Variants in SCN10A observed in about 807,000 individuals in gnomAD.
The protein encoded by SCN10A is sodium channel protein type 10 subunit alpha.
In SCN10A, 162 loss-of-function variants were observed where a neutral mutation model predicts 170.7. The ratio of observed to expected loss-of-function variants is 0.95; its 90% CI spans 0.84 to 1.08. The LOEUF (loss-of-function observed/expected upper bound fraction) is 1.08. Ranked by LOEUF, SCN10A falls within the 50% of genes least tolerant of loss-of-function variation. The probability of loss-of-function intolerance (pLI) is 0.00; values close to 1 mark genes in which losing one functional copy is unlikely to be tolerated. For missense variants in SCN10A, 2,527 were observed against 2,436.9 expected, an observed-to-expected ratio of 1.04 and a Z score of -0.78; for synonymous variants, 985 against 904.6, an observed-to-expected ratio of 1.09 and a Z score of -1.59.
chr3:38,777,071 A>G (rs2064085006), intron 4 of SCN10A, among the ~76,000 whole-genome samples: 1 of 152,092 alleles, frequency 6.6e-6, no homozygotes, highest in African/African-American at 2.4e-5. Flanking sequence ...CATAATAGTG[A>G]AACATTAGAA....
At chr3:38,790,867 T>C (rs2064272377) in intron 3 of SCN10A, among the ~76,000 whole-genome samples, 1 of 152,192 alleles carries the variant, frequency 6.6e-6, no homozygotes, top group Admixed American at 6.6e-5. Flanking sequence ...GAGACTGTAT[T>C]GTCATTAAAT....
intron 15 of SCN10A, among the ~76,000 whole-genome samples, chr3:38,735,169 C>CAAAAAAAAAAAAA (rs543574832): frequency 6.6e-5 from 5 of 76,126 alleles, no homozygotes; most frequent in Non-Finnish European, 1.0e-4. Context: ...GACTCTGTCT[C>CAAAAAAAAAAAAA]AAAAAAAAAA....
intron 5 of SCN10A, among the ~76,000 whole-genome samples, chr3:38,766,908 C>G (rs886742716): frequency 6.6e-6 from 1 of 152,036 alleles, no homozygotes; most frequent in African/African-American, 2.4e-5. Context: ...AATCTCGCTA[C>G]TTGTTATTGG....
intron 11 of SCN10A, among the ~76,000 whole-genome samples, chr3:38,753,962 T>C (rs937774334): frequency 8.5e-5 from 13 of 152,334 alleles, no homozygotes; most frequent in Non-Finnish European, 1.6e-4. Flanking sequence ...CTATTGGTTA[T>C]AAAATGGCTT....
chr3:38,816,058 G>A lies in SCN10A; in HGVS notation c.-54C>T, dbSNP rs574374029. The A allele has an allele frequency of 6.6e-6, 1 of 152,230 alleles. No homozygotes were observed. Among genetic ancestry groups the A allele is most frequent in the East Asian group, 1.9e-4 (1 of 5,200 alleles). The allele number at this position is 152,230 out of a possible 1,614,324, so 9.4% of individuals were successfully genotyped here. ...AAACCTTTGCTGCTCAATCTTGCTT[G>A]TCTTCTACGTAAGAAATATCTTCTC... On this transcript the variant is annotated 5_prime_UTR_variant, in exon 1 of 28. Transcript: ENST00000449082.
intron 3 of SCN10A, 132 bp downstream of exon 3, chr3:38,791,915 TCAA>T: frequency 1.7e-6 from 2 of 1,204,118 alleles, no homozygotes; most frequent in African/African-American, 1.5e-5. Flanking sequence ...AGCCATTTTT[TCAA>T]TCTAATGACC....
rs551765014 is a variant in SCN10A, at chr3:38,800,319, C to T, written c.-32-6277G>A. The stretch of plus-strand genomic sequence containing the variant: ...CACAGGGGAGAATTGGACTAAGATG[C>T]AGATTCCTGGACTCCACCTGAAAAG... On this transcript the variant is annotated intron_variant, in intron 1 of 27. Coordinates refer to ENST00000449082, the MANE Select transcript of SCN10A (RefSeq NM_006514.4). Among the ~76,000 whole-genome samples, 5 of 152,318 alleles carry T rather than the reference C, an allele frequency of 3.3e-5. No individual in the cohort carries two copies. In the South Asian group the frequency reaches 1.0e-3, roughly 32 times the overall value.
intron 10 of SCN10A, 60 bp from the exon 11 acceptor site, chr3:38,756,018 G>A: frequency 6.3e-7 from 1 of 1,582,138 alleles, no homozygotes; most frequent in Non-Finnish European, 8.7e-7. Flanking sequence ...GCATGAATGT[G>A]TCCCCCAGAC....
intron 26 of SCN10A, among the ~76,000 whole-genome samples, chr3:38,704,008 T>G (rs1416913564): frequency 6.6e-6 from 1 of 152,196 alleles, no homozygotes; most frequent in Non-Finnish European, 1.5e-5. Context: ...AAAGTCACCC[T>G]TTATTTGACT....
At chr3:38,762,236 C>T (rs1229726867) in intron 6 of SCN10A, among the ~76,000 whole-genome samples, 1 of 152,158 alleles carries the variant, frequency 6.6e-6, no homozygotes, top group Non-Finnish European at 1.5e-5. Flanking sequence ...AGTCCCTGGA[C>T]TGGGAGCTGA....
chr3:38,796,689 C>T (rs1450906044), intron 1 of SCN10A, among the ~76,000 whole-genome samples: 3 of 152,242 alleles, frequency 2.0e-5, no homozygotes, highest in South Asian at 4.2e-4. Context: ...TTTTGTCTGG[C>T]TAATCCTCTC....
At chr3:38,803,616 C>A (rs951043622) in intron 1 of SCN10A, among the ~76,000 whole-genome samples, 1 of 132,104 alleles carries the variant, frequency 7.6e-6, no homozygotes, top group Non-Finnish European at 1.5e-5. Flanking sequence ...CACATGGACA[C>A]AGGAAGGGGA....
intron 12 of SCN10A, among the ~76,000 whole-genome samples, chr3:38,751,673 G>A (rs567086181): frequency 3.3e-5 from 5 of 152,300 alleles, no homozygotes; most frequent in Non-Finnish European, 5.9e-5. Context: ...TACACTCTGC[G>A]ATTATTCTAT....
chr3:38,710,379 C>A (rs2063260557), intron 24 of SCN10A, among the ~76,000 whole-genome samples: 1 of 152,160 alleles, frequency 6.6e-6, no homozygotes, highest in East Asian at 1.9e-4. Flanking sequence ...CCAGGCTGGT[C>A]TCCTGAGCTC....
At chr3:38,789,856 C>T (rs1210685031) in intron 3 of SCN10A, among the ~76,000 whole-genome samples, 1 of 152,004 alleles carries the variant, frequency 6.6e-6, no homozygotes, top group Admixed American at 6.6e-5. Flanking sequence ...TAAATTGTTC[C>T]CACTTGGACA....
intron 13 of SCN10A, among the ~76,000 whole-genome samples, chr3:38,748,147 T>C (rs1475670840): frequency 6.6e-6 from 1 of 152,172 alleles, no homozygotes; most frequent in Non-Finnish European, 1.5e-5. Context: ...TGCTGTTTGA[T>C]GACTAATAGC....
rs139209095 is a variant in SCN10A, at chr3:38,742,519, C to A, written c.1878G>T (p.Glu626Asp). ...AGCAGGGTGGGCACTTCTGTTCAGA[C>A]TCCTCGAGTTCTGCATTATAGTGTG... is the stretch of plus-strand genomic sequence containing the variant. ...IITSVLEELEESEQKCPPCLT... is the reference protein window; with the variant it reads ...IITSVLEELEDSEQKCPPCLT... The change falls in exon 14 of 28, where the codon GAG (glutamate) becomes GAT (aspartate). Residue 626 changes from glutamate to aspartate, a missense_variant. Transcript: ENST00000449082. 5 of 1,613,972 alleles carry A rather than the reference C, an allele frequency of 3.1e-6. No individual in the cohort carries two copies. Among genetic ancestry groups the A allele is most frequent in the Admixed American group, 1.7e-5 (1 of 60,028 alleles).
rs752151307 is a variant in SCN10A, at chr3:38,752,408, A to T, written c.1566T>A (p.Asp522Glu). The T allele has an allele frequency of 1.9e-6, 3 of 1,613,918 alleles. No homozygotes were observed. The highest frequency in any genetic ancestry group is 2.5e-6 in the Non-Finnish European group (3 of 1,179,928). The part of the protein sequence containing the change: ...RDISLPEGVT[D>E]DGVFPGDHES... ...CGTGGTCTCCAGGAAAGACTCCATC[A>T]TCTGTGACTCCCTCAGGGAGTGAGA... is the stretch of plus-strand genomic sequence containing the variant. Residue 522 changes from aspartate to glutamate, a missense_variant, in exon 12 of 28, where the codon GAT becomes GAA. Transcript: ENST00000449082.
chr3:38,806,471 A>T (rs993153088), intron 1 of SCN10A, among the ~76,000 whole-genome samples: 5 of 152,168 alleles, frequency 3.3e-5, no homozygotes, highest in Non-Finnish European at 7.4e-5. Flanking sequence ...TAATAATTTT[A>T]AAAAACCAGA....
Sources: gnomAD v4.1 joint callset for allele counts (sites outside exome capture counted in the v4.1 genomes callset) on GRCh38, gnomAD v4.1.1 for gene constraint, MANE v1.5 for transcripts, NCBI Gene and HGNC (gene_info 2026-07-23, HGNC 2026-07-21) for gene names.